EIF1AX: variants seen among roughly 807,000 people sequenced by gnomAD.
The protein encoded by EIF1AX is eukaryotic translation initiation factor 1A, X-chromosomal.
In EIF1AX, 1 loss-of-function variant was observed where a neutral mutation model predicts 16.1. The ratio of observed to expected loss-of-function variants is 0.06; its 90% CI spans 0.02 to 0.30. The LOEUF is 0.30. Among genes scored for constraint, EIF1AX ranks in the 10% least tolerant of loss-of-function variants. The pLI is 1.00. For synonymous variants in EIF1AX, 32 were observed against 37.3 expected, an observed-to-expected ratio of 0.86 and a Z score of 0.51; for missense variants, 11 against 109.1, an observed-to-expected ratio of 0.10 and a Z score of 4.00.
chrX:20,131,069 T>C (rs2148607141), intron 5 of EIF1AX, among the ~76,000 whole-genome samples: 1 of 111,985 alleles, frequency 8.9e-6, no homozygotes, highest in South Asian at 3.7e-4. Context: ...ACTTTCATGC[T>C]TAAGTAAAAT....
intron 4 of EIF1AX, 90 bp downstream of exon 4, chrX:20,133,867 A>G (rs2067008010): frequency 1.4e-6 from 1 of 703,422 alleles, no homozygotes; most frequent in Non-Finnish European, 2.2e-6. Flanking sequence ...TGGGATACCT[A>G]GCACAATGCC....
At chrX:20,139,961 A>G (rs1209819913) in intron 1 of EIF1AX, 2 of 112,679 alleles carry the variant, frequency 1.8e-5, no homozygotes, top group Non-Finnish European at 3.7e-5. Context: ...AATTTACCAG[A>G]ATTAACCATA....
In EIF1AX at chrX:20,137,994, G is replaced by GTTT. The variant is rs72040979; in HGVS notation, c.100+542_100+544dup. On this transcript the variant is annotated intron_variant, in intron 2 of 6. Transcript: ENST00000379607. ...CATATGAAGACCTCATCTCTATACA[G>GTTT]TTTTTTTTTTTTTTTTTTTTTTTTT... Among the ~76,000 whole-genome samples, 23 of 36,745 alleles carry GTTT rather than the reference G, an allele frequency of 6.3e-4. 1 individual carries two copies. The highest frequency in any genetic ancestry group is 2.4e-3 in the African/African-American group (20 of 8,321). The allele number at this position is 36,745 out of a possible 115,157, so 31.9% of individuals were successfully genotyped here. A position where few individuals can be genotyped will look rare whatever the true frequency, so the allele number is the denominator to read the frequency against.
In EIF1AX at chrX:20,127,084, A is replaced by G. The variant is rs1179177035; in HGVS notation, c.*1222T>C. 6.8e-6 allele frequency: 1 copy of G among 146,789 alleles called. No homozygotes were observed. The highest frequency in any genetic ancestry group is 3.0e-5 in the African/African-American group (1 of 33,140). The allele number at this position is 146,789 out of a possible 1,213,427, so 12.1% of individuals were successfully genotyped here. On this transcript the variant is annotated 3_prime_UTR_variant, in exon 7 of 7. Transcript: ENST00000379607. Reference sequence around the variant, plus strand: ...GGCTAACTAGCTCAGCCCTAGTTTCATTTTATTAGAGTTGACCACTAAAAA... The same window carrying G: ...GGCTAACTAGCTCAGCCCTAGTTTCGTTTTATTAGAGTTGACCACTAAAAA...
At chrX:20,134,344 C>A (rs754623386) in intron 3 of EIF1AX, among the ~76,000 whole-genome samples, 3 of 107,945 alleles carry the variant, frequency 2.8e-5, no homozygotes, top group Non-Finnish European at 5.8e-5. Flanking sequence ...GCCAAGACTG[C>A]GCTACTGCAC....
In EIF1AX at chrX:20,124,545, A is replaced by G. The variant is rs1482194896; in HGVS notation, c.*3761T>C. The G allele has an allele frequency of 1.3e-5, 2 of 148,894 alleles. No homozygotes were observed. The highest frequency in any genetic ancestry group is 6.1e-5 in the African/African-American group (2 of 32,715). The allele number at this position is 148,894 out of a possible 1,213,427, so 12.3% of individuals were successfully genotyped here. A position where few individuals can be genotyped will look rare whatever the true frequency, so the allele number is the denominator to read the frequency against. ...CATTGTTGAAAGTTGTTCATATTTT[A>G]TTTTCTAATTGCAGTAGTTTGTATC... On this transcript the variant is annotated 3_prime_UTR_variant, in exon 7 of 7. Coordinates refer to ENST00000379607, the MANE Select transcript of EIF1AX (RefSeq NM_001412.4).
intron 5 of EIF1AX, 54 bp from the exon 6 acceptor site, chrX:20,130,661 TTCA>T: frequency 9.3e-7 from 1 of 1,078,711 alleles, no homozygotes; most frequent in Non-Finnish European, 1.2e-6. Context: ...TACTCAAAGT[TTCA>T]TCATAAGAGC....
At chrX:20,136,095 T>C (rs2067015882) in intron 2 of EIF1AX, 2 of 323,050 alleles carry the variant, frequency 6.2e-6, no homozygotes, top group Admixed American at 9.2e-5. Flanking sequence ...GAAAACTTCA[T>C]AGTTACAAAG....
At chrX:20,135,909 C>T in intron 2 of EIF1AX, 68 bp from the exon 3 acceptor site, 1 of 759,934 alleles carries the variant, frequency 1.3e-6, no homozygotes. Context: ...TTAAAGTCCA[C>T]ATAAAACTGT....
In EIF1AX at chrX:20,141,516, G is replaced by A. The variant is rs2067034070; in HGVS notation, c.16+109C>T. Reference sequence around the variant, plus strand: ...GGGGCGCCCAGCCGCGGGCAGGCAGGGCGGGAAGGAAAAAGGGTCACTGCG... The same window carrying A: ...GGGGCGCCCAGCCGCGGGCAGGCAGAGCGGGAAGGAAAAAGGGTCACTGCG... On this transcript the variant is annotated intron_variant, in intron 1 of 6. Transcript: ENST00000379607. The A allele has an allele frequency of 3.1e-6, 3 of 960,230 alleles. No homozygotes were observed. The South Asian group carries it at 7.3e-5, about 23-fold the overall frequency. The allele number at this position is 960,230 out of a possible 1,213,427, so 79.1% of individuals were successfully genotyped here.
intron 4 of EIF1AX, among the ~76,000 whole-genome samples, chrX:20,133,464 G>A (rs961680381): frequency 2.7e-5 from 3 of 110,060 alleles, no homozygotes; most frequent in Admixed American, 1.9e-4. Context: ...ACTGCCCACA[G>A]TTGAGAAACA....
intron 5 of EIF1AX, 102 bp from the exon 6 acceptor site, chrX:20,130,709 ATTTTATG>A: frequency 2.5e-6 from 2 of 804,315 alleles, no homozygotes; most frequent in Admixed American, 5.0e-5. Flanking sequence ...TATAAAGAAT[ATTTTATG>A]AAAAAAAATT....
intron 2 of EIF1AX, among the ~76,000 whole-genome samples, chrX:20,137,647 A>T (rs926680325): frequency 3.6e-5 from 4 of 111,555 alleles, no homozygotes; most frequent in Non-Finnish European, 7.5e-5. Flanking sequence ...CACTTACAAT[A>T]TTCTTCAGTC....
intron 3 of EIF1AX, among the ~76,000 whole-genome samples, 200 bp from the exon 4 acceptor site, chrX:20,134,207 C>CA (rs2067008947): frequency 9.2e-6 from 1 of 109,276 alleles, no homozygotes; most frequent in African/African-American, 3.3e-5. Context: ...GCCAACATGG[C>CA]AAAAACCCGT....
At position 20,132,246 on chromosome X, in the gene EIF1AX, T is replaced by C; in HGVS notation, c.273A>G (p.Val91=). The stretch of plus-strand genomic sequence containing the variant: ...CTTCGTCTGCATTGTATTTTAAAAT[T>C]ACATCAGCTTTGTTATCCTTAAATA... ...LRDYQDNKAD[V]ILKYNADEAR... The change falls in exon 5 of 7, where the codon GTA becomes GTG. Residue 91 remains valine (V), a synonymous_variant. Coordinates refer to ENST00000379607, the MANE Select transcript of EIF1AX (RefSeq NM_001412.4). 8.3e-7 allele frequency: 1 copy of C among 1,198,161 alleles called. No homozygotes were observed. The highest frequency in any genetic ancestry group is 1.1e-6 in the Non-Finnish European group (1 of 885,890).
intron 2 of EIF1AX, 117 bp from the exon 3 acceptor site, chrX:20,135,958 A>C: frequency 1.9e-6 from 1 of 513,345 alleles, no homozygotes. Flanking sequence ...ATAAATACAT[A>C]TAGTAAAACT....
In EIF1AX at chrX:20,135,840, C is replaced by T; in HGVS notation, c.102G>A (p.Glu34=). The T allele has an allele frequency of 1.7e-6, 2 of 1,184,255 alleles. No homozygotes were observed. The highest frequency in any genetic ancestry group is 5.9e-5 in the East Asian group (2 of 33,746). The stretch of plus-strand genomic sequence containing the variant: ...CCAACATTTTGATTACCTGAGCATA[C>T]TCTAGCGGGGAGAAAGGAAAAGGGT... The part of the protein sequence containing the change: ...RELVFKEDGQ[E]YAQVIKMLGN... Residue 34 remains glutamate, a splice_region_variant and synonymous_variant, in exon 3 of 7, where the codon GAG becomes GAA. Transcript: ENST00000379607.
intron 5 of EIF1AX, among the ~76,000 whole-genome samples, chrX:20,131,164 T>C (rs1002328387): frequency 1.8e-5 from 2 of 111,861 alleles, no homozygotes; most frequent in African/African-American, 3.3e-5. Flanking sequence ...CAGAACAGTA[T>C]GTCAAGTACA....
rs772100699 is a variant in EIF1AX at position 20,133,941 on chromosome X, T to C, written c.255+16A>G. 12 of 1,171,724 alleles carry C rather than the reference T, an allele frequency of 1.0e-5. No homozygotes were observed. The highest frequency in any genetic ancestry group is 1.4e-5 in the Non-Finnish European group (12 of 870,282). On this transcript the variant is annotated intron_variant, in intron 4 of 6. Coordinates refer to ENST00000379607, the MANE Select transcript of EIF1AX (RefSeq NM_001412.4). ...TCAAGCCAGTAAAATAGGAAAAATTTACATGTAAATTTTACCTGGTAGTCT... is the reference window on the plus strand; with the variant it reads ...TCAAGCCAGTAAAATAGGAAAAATTCACATGTAAATTTTACCTGGTAGTCT...
Sources: allele counts gnomAD v4.1 joint callset (sites outside exome capture counted in the v4.1 genomes callset), GRCh38; gene constraint gnomAD v4.1.1; transcripts MANE v1.5; gene names NCBI Gene and HGNC (gene_info 2026-07-23, HGNC 2026-07-21).